The following PCDH7 variants were observed in gnomAD, a reference collection of about 807,000 sequenced individuals.
PCDH7 encodes the protein protocadherin 7, also known as protocadherin-7.
In PCDH7, 17 loss-of-function variants were observed where a neutral mutation model predicts 58.9. That is an observed-to-expected ratio of 0.29 (90% confidence interval 0.20 to 0.43). The LOEUF is 0.43. Ranked by LOEUF, PCDH7 falls within the 20% of genes least tolerant of loss-of-function variation. PCDH7 has a pLI of 1.00. For missense variants in PCDH7, 1,274 were observed against 1,441.0 expected, an observed-to-expected ratio of 0.88 and a Z score of 1.88; for synonymous variants, 664 against 616.4, an observed-to-expected ratio of 1.08 and a Z score of -1.14.
At position 30,963,561 on chromosome 4, in the gene PCDH7, C is replaced by T. The variant is rs146473770; in HGVS notation, c.*7+13346C>T. ...TAAATGTTAGATTGAATTTATAGAACTTAACCTGCTAGTTATGTTTTTTCT... is the reference window on the plus strand; with the variant it reads ...TAAATGTTAGATTGAATTTATAGAATTTAACCTGCTAGTTATGTTTTTTCT... On this transcript the variant is annotated intron_variant, in intron 3 of 3. Coordinates refer to the PCDH7 transcript ENST00000509759. Among the ~76,000 whole-genome samples, 3 of 148,714 alleles carry T rather than the reference C, an allele frequency of 2.0e-5. No homozygotes were observed. The East Asian group carries it at 5.9e-4, about 29-fold the overall frequency.
At chr4:30,849,726 C>T (rs1043925145) in intron 1 of PCDH7, among the ~76,000 whole-genome samples, 1 of 152,118 alleles carries the variant, frequency 6.6e-6, no homozygotes, top group Admixed American at 6.6e-5. Context: ...CTAAGACCCT[C>T]GCATTGTCCT....
intron 3 of PCDH7, among the ~76,000 whole-genome samples, chr4:30,972,433 C>T (rs1028780331): frequency 9.2e-5 from 14 of 152,056 alleles, no homozygotes; most frequent in African/African-American, 3.4e-4. Context: ...AAATGGTGAA[C>T]CACTGTTATC....
chr4:31,042,838 C>T (rs933702475), intron 3 of PCDH7, among the ~76,000 whole-genome samples: 4 of 152,006 alleles, frequency 2.6e-5, no homozygotes, highest in African/African-American at 9.7e-5. Flanking sequence ...ATACTTGAGA[C>T]TGGGTAATTT....
chr4:31,032,396 C>T (rs1001278286), intron 3 of PCDH7, among the ~76,000 whole-genome samples: 21 of 152,058 alleles, frequency 1.4e-4, no homozygotes, highest in African/African-American at 5.1e-4. Flanking sequence ...TCACTTGAAG[C>T]CAGATGTTGG....
chr4:30,796,616 T>C (rs1307100489), intron 1 of PCDH7, among the ~76,000 whole-genome samples: 1 of 152,232 alleles, frequency 6.6e-6, no homozygotes, highest in African/African-American at 2.4e-5. Context: ...TGCCTCAGAT[T>C]CTTGCAAGGA....
intron 3 of PCDH7, among the ~76,000 whole-genome samples, chr4:31,097,876 G>A (rs1223230778): frequency 5.9e-5 from 9 of 151,638 alleles, no homozygotes; most frequent in Admixed American, 5.3e-4. Flanking sequence ...GCAGTTAAAT[G>A]AGACCTTACA....
rs530334985 is a variant in PCDH7 at position 31,063,874 on chromosome 4, T to C, written c.*8-78599T>C. 3.3e-5 allele frequency among the ~76,000 whole-genome samples: 5 copies of C among 152,022 alleles called. No individual in the cohort carries two copies. In the South Asian group the frequency reaches 8.3e-4, roughly 25 times the overall value. The stretch of plus-strand genomic sequence containing the variant: ...TTTATAAATGTCCCCATTTTATAGA[T>C]GGAGAAACTGAGACAGGCTTAGAAA... On this transcript the variant is annotated intron_variant, in intron 3 of 3. Transcript: ENST00000509759.
chr4:31,055,283 T>C (rs907478749), intron 3 of PCDH7, among the ~76,000 whole-genome samples: 2 of 152,192 alleles, frequency 1.3e-5, no homozygotes, highest in Non-Finnish European at 2.9e-5. Flanking sequence ...GAGCATTTTC[T>C]GTTAAAAATA....
In PCDH7 at chr4:30,988,866, A is replaced by G. The variant is rs1751215028; in HGVS notation, c.*7+38651A>G. Among the ~76,000 whole-genome samples the G allele has an allele frequency of 2.6e-5, 4 of 152,178 alleles. No individual in the cohort carries two copies. The South Asian group carries it at 8.3e-4, about 31-fold the overall frequency. On this transcript the variant is annotated intron_variant, in intron 3 of 3. Transcript: ENST00000509759. ...ATGATGGTAGTATTAATGCATGTAC[A>G]TTAATGCCTGATGATTCTTATAGAA...
chr4:30,729,982 A>T (rs1715249892), intron 1 of PCDH7, among the ~76,000 whole-genome samples: 1 of 151,960 alleles, frequency 6.6e-6, no homozygotes, highest in South Asian at 2.1e-4. Flanking sequence ...CTATTTTAAA[A>T]ACTAAATATA....
At chr4:30,760,830 T>C (rs964274048) in intron 1 of PCDH7, among the ~76,000 whole-genome samples, 3 of 152,194 alleles carry the variant, frequency 2.0e-5, no homozygotes, top group Non-Finnish European at 4.4e-5. Context: ...ACAGCTCAGC[T>C]GTGTGCCTTA....
At chr4:30,870,071 A>G (rs527468916) in intron 1 of PCDH7, among the ~76,000 whole-genome samples, 1 of 152,174 alleles carries the variant, frequency 6.6e-6, no homozygotes, top group African/African-American at 2.4e-5. Flanking sequence ...TGTGGCATGC[A>G]TATATGTCTT....
chr4:30,930,810 A>C (rs541864445), intron 2 of PCDH7, among the ~76,000 whole-genome samples: 15 of 152,136 alleles, frequency 9.9e-5, no homozygotes, highest in African/African-American at 3.6e-4. Context: ...GTGGTGGCAC[A>C]TGCCTGTAGT....
chr4:31,054,116 C>A (rs1028726757), intron 3 of PCDH7, among the ~76,000 whole-genome samples: 22 of 152,086 alleles, frequency 1.4e-4, no homozygotes, highest in African/African-American at 5.3e-4. Flanking sequence ...CAGGCACATA[C>A]CACCATGCCC....
At chr4:30,791,795 T>C (rs115582089) in intron 1 of PCDH7, among the ~76,000 whole-genome samples, 5 of 152,316 alleles carry the variant, frequency 3.3e-5, no homozygotes, top group East Asian at 1.9e-4. Context: ...AAACCGATGA[T>C]GAAAGTTTCC....
At chr4:31,087,542 T>G (rs1712614609) in intron 3 of PCDH7, among the ~76,000 whole-genome samples, 1 of 152,052 alleles carries the variant, frequency 6.6e-6, no homozygotes, top group Non-Finnish European at 1.5e-5. Flanking sequence ...GATAGATAGT[T>G]GTTGACATGG....
At chr4:30,933,276 T>G (rs1166720897) in intron 2 of PCDH7, among the ~76,000 whole-genome samples, 1 of 152,088 alleles carries the variant, frequency 6.6e-6, no homozygotes, top group Non-Finnish European at 1.5e-5. Flanking sequence ...CTGCCTGCCT[T>G]GGCCTCCCAA....
chr4:30,953,845 C>T (rs1466776864), intron 3 of PCDH7, among the ~76,000 whole-genome samples: 1 of 151,986 alleles, frequency 6.6e-6, no homozygotes, highest in Non-Finnish European at 1.5e-5. Flanking sequence ...AATATAATGT[C>T]CTTAAGTGGA....
At chr4:31,085,196 G>A (rs887118182) in intron 3 of PCDH7, among the ~76,000 whole-genome samples, 1 of 152,038 alleles carries the variant, frequency 6.6e-6, no homozygotes, top group Non-Finnish European at 1.5e-5. Flanking sequence ...TAGGGAGTCG[G>A]AGCTGTCTTT....
Sources: gnomAD v4.1 joint callset for allele counts (sites outside exome capture counted in the v4.1 genomes callset) on GRCh38, gnomAD v4.1.1 for gene constraint, MANE v1.5 for transcripts, NCBI Gene and HGNC (gene_info 2026-07-23, HGNC 2026-07-21) for gene names.